Variants in ASIC2 observed in about 807,000 individuals in gnomAD.
The protein encoded by ASIC2 is acid sensing ion channel subunit 2, also known as acid-sensing ion channel 2.
In ASIC2, 25 loss-of-function variants were observed where a neutral mutation model predicts 57.3. That is an observed-to-expected ratio of 0.44 (90% CI 0.32 to 0.61). The LOEUF is 0.61. Among genes scored for constraint, ASIC2 ranks in the 20% least tolerant of loss-of-function variants. The pLI is 0.06. For synonymous variants in ASIC2, 319 were observed against 307.5 expected, an observed-to-expected ratio of 1.04 and a Z score of -0.39; for missense variants, 641 against 738.1, an observed-to-expected ratio of 0.87 and a Z score of 1.52.
At chr17:33,893,929 C>A (rs1046434700) in intron 1 of ASIC2, among the ~76,000 whole-genome samples, 3 of 152,214 alleles carry the variant, frequency 2.0e-5, no homozygotes, top group Admixed American at 6.5e-5. Flanking sequence ...AGAACTTCCT[C>A]TTCCAAAGCC....
chr17:33,608,562 G>A (rs755978369), intron 1 of ASIC2, among the ~76,000 whole-genome samples: 1 of 144,146 alleles, frequency 6.9e-6, no homozygotes, highest in Non-Finnish European at 1.5e-5. Context: ...TTCCTCCCAG[G>A]ATTAGTAGTG....
intron 1 of ASIC2, among the ~76,000 whole-genome samples, chr17:33,623,078 G>A (rs956874952): frequency 1.3e-5 from 2 of 152,174 alleles, no homozygotes; most frequent in Non-Finnish European, 2.9e-5. Context: ...AAGCCTGAGG[G>A]TGGGAAGTCT....
chr17:33,272,033 C>A (rs142463923), intron 1 of ASIC2, among the ~76,000 whole-genome samples: 1 of 144,720 alleles, frequency 6.9e-6, no homozygotes, highest in African/African-American at 2.5e-5. Context: ...AGAGACTTGG[C>A]ACTGTATCTC....
intron 1 of ASIC2, among the ~76,000 whole-genome samples, chr17:33,232,507 A>ACGG (rs1908144788): frequency 1.3e-5 from 2 of 151,938 alleles, no homozygotes; most frequent in Non-Finnish European, 2.9e-5. Flanking sequence ...ACGGTATGGT[A>ACGG]TGGTATGGCA....
At chr17:33,299,509 A>G (rs1029902516) in intron 1 of ASIC2, among the ~76,000 whole-genome samples, 2 of 150,884 alleles carry the variant, frequency 1.3e-5, no homozygotes, top group African/African-American at 2.4e-5. Context: ...CATGTGCTTC[A>G]GCATCTCCAC....
chr17:33,239,946 C>G (rs140199657), intron 1 of ASIC2, among the ~76,000 whole-genome samples: 11 of 152,320 alleles, frequency 7.2e-5, no homozygotes, highest in Admixed American at 2.0e-4. Flanking sequence ...TACTTCCCCC[C>G]ACGCTGCTGC....
intron 1 of ASIC2, among the ~76,000 whole-genome samples, chr17:33,637,105 T>C (rs1157146477): frequency 6.6e-6 from 1 of 152,034 alleles, no homozygotes; most frequent in Non-Finnish European, 1.5e-5. Flanking sequence ...TAAGCTCCCT[T>C]AGAAAAAAAG....
At chr17:33,834,786 C>T (rs189164574) in intron 1 of ASIC2, among the ~76,000 whole-genome samples, 41 of 152,238 alleles carry the variant, frequency 2.7e-4, no homozygotes, top group Admixed American at 9.2e-4. Context: ...TCTGTCTCTC[C>T]GTGGAACTAA....
At chr17:33,752,359 C>G (rs1280067198) in intron 1 of ASIC2, among the ~76,000 whole-genome samples, 3 of 149,074 alleles carry the variant, frequency 2.0e-5, no homozygotes, top group Non-Finnish European at 3.0e-5. Context: ...CCATACTCTA[C>G]ACTCTGAACG....
chr17:33,368,215 G>A (rs968448114), intron 1 of ASIC2, among the ~76,000 whole-genome samples: 1 of 152,188 alleles, frequency 6.6e-6, no homozygotes, highest in African/African-American at 2.4e-5. Context: ...AAGTGAAATG[G>A]TTTCCACCTG....
chr17:33,472,745 T>C (rs1003612967), intron 1 of ASIC2, among the ~76,000 whole-genome samples: 7 of 151,894 alleles, frequency 4.6e-5, no homozygotes, highest in African/African-American at 1.5e-4. Context: ...CAAGAAAACA[T>C]GGGGCACACA....
chr17:34,008,184 T>A (rs1439556434), intron 1 of ASIC2, among the ~76,000 whole-genome samples: 1 of 152,242 alleles, frequency 6.6e-6, no homozygotes, highest in Non-Finnish European at 1.5e-5. Context: ...TATGTCACTA[T>A]ACTATTCCAG....
intron 3 of ASIC2, among the ~76,000 whole-genome samples, chr17:33,040,215 C>T (rs556238559): frequency 6.6e-6 from 1 of 152,304 alleles, no homozygotes; most frequent in Admixed American, 6.5e-5. Context: ...ATGGCTGGAG[C>T]CCACCTGGCC....
chr17:33,932,238 T>C (rs1326122437), intron 1 of ASIC2, among the ~76,000 whole-genome samples: 1 of 152,176 alleles, frequency 6.6e-6, no homozygotes, highest in East Asian at 1.9e-4. Flanking sequence ...ACTGGCCACA[T>C]GTGGCTTTGA....
intron 1 of ASIC2, among the ~76,000 whole-genome samples, chr17:33,820,082 C>T (rs1326725886): frequency 6.6e-6 from 1 of 152,158 alleles, no homozygotes; most frequent in African/African-American, 2.4e-5. Context: ...AACTACTGTC[C>T]ACATGTAGCT....
chr17:33,309,139 AC>A (rs1186883371), intron 1 of ASIC2, among the ~76,000 whole-genome samples: 1 of 150,560 alleles, frequency 6.6e-6, no homozygotes, highest in African/African-American at 2.4e-5. Context: ...TTTTTCTGCC[AC>A]CAACTCCTTT....
chr17:33,039,279 C>T (rs1567723741), intron 3 of ASIC2, among the ~76,000 whole-genome samples: 1 of 152,176 alleles, frequency 6.6e-6, no homozygotes, highest in East Asian at 1.9e-4. Flanking sequence ...TTCCATTAGG[C>T]TTGGGGGTAT....
chr17:33,293,616 T>C (rs376993573), upstream of ASIC2, among the ~76,000 whole-genome samples: 18 of 151,866 alleles, frequency 1.2e-4, no homozygotes, highest in African/African-American at 4.4e-4. Flanking sequence ...AGAGAGCGAG[T>C]TGCTGTGTAG....
intron 1 of ASIC2, among the ~76,000 whole-genome samples, chr17:33,253,816 G>T (rs990889433): frequency 6.6e-6 from 1 of 152,112 alleles, no homozygotes; most frequent in Non-Finnish European, 1.5e-5. Flanking sequence ...TGTGGAAGTG[G>T]CCTGATCTTG....
Sources: allele counts gnomAD v4.1 joint callset (sites outside exome capture counted in the v4.1 genomes callset), GRCh38; gene constraint gnomAD v4.1.1; transcripts MANE v1.5; gene names NCBI Gene and HGNC (gene_info 2026-07-23, HGNC 2026-07-21).